Variants in TCF7L2 observed in about 807,000 individuals in gnomAD.
The protein encoded by TCF7L2 is transcription factor 7 like 2.
TCF7L2 carries 23 observed loss-of-function variants against 77.9 expected under a neutral mutation model. That is an observed-to-expected ratio of 0.30 (90% CI 0.21 to 0.42). The LOEUF (loss-of-function observed/expected upper bound fraction) is 0.42, where lower values mean the gene tolerates loss of function less well. TCF7L2 is among the 10% of genes least tolerant of loss of function. The pLI is 1.00. For synonymous variants in TCF7L2, 413 were observed against 340.2 expected, an observed-to-expected ratio of 1.21 and a Z score of -2.36; for missense variants, 654 against 793.1, an observed-to-expected ratio of 0.82 and a Z score of 2.11.
At chr10:113,152,527 A>G (rs1018146896) in intron 11 of TCF7L2, 87 bp downstream of exon 11, 4 of 1,157,544 alleles carry the variant, frequency 3.5e-6, no homozygotes, top group Middle Eastern at 2.5e-4. Context: ...CTGCCACTTG[A>G]CTAGGGTGGG....
intron 4 of TCF7L2, among the ~76,000 whole-genome samples, chr10:112,985,448 C>G (rs2041301060): frequency 6.6e-6 from 1 of 152,070 alleles, no homozygotes; most frequent in Non-Finnish European, 1.5e-5. Flanking sequence ...TATATAAACA[C>G]ATACATTGAT....
intron 4 of TCF7L2, among the ~76,000 whole-genome samples, chr10:113,038,038 G>A (rs1007430906): frequency 1.3e-5 from 2 of 152,194 alleles, no homozygotes; most frequent in African/African-American, 4.8e-5. Context: ...GTTACAGATG[G>A]AGACTGGAAA....
intron 5 of TCF7L2, among the ~76,000 whole-genome samples, chr10:113,072,590 G>A (rs2058167327): frequency 6.6e-6 from 1 of 152,090 alleles, no homozygotes; most frequent in Non-Finnish European, 1.5e-5. Flanking sequence ...CCTGACCTCA[G>A]GTGAGCGTCC....
intron 4 of TCF7L2, among the ~76,000 whole-genome samples, chr10:113,006,879 C>T (rs1405346870): frequency 6.6e-6 from 1 of 152,232 alleles, no homozygotes; most frequent in East Asian, 1.9e-4. Context: ...CACGCTGGCA[C>T]TTTCAGCTTC....
intron 5 of TCF7L2, among the ~76,000 whole-genome samples, chr10:113,079,694 A>G (rs2059124487): frequency 6.6e-6 from 1 of 151,778 alleles, no homozygotes; most frequent in South Asian, 2.1e-4. Flanking sequence ...GTCTCGCTCC[A>G]TCGCCCAGGC....
At chr10:113,023,924 C>T (rs931650903) in intron 4 of TCF7L2, among the ~76,000 whole-genome samples, 2 of 151,848 alleles carry the variant, frequency 1.3e-5, no homozygotes, top group Admixed American at 6.6e-5. Context: ...TCCCAAAGTG[C>T]TGGGATTACA....
intron 5 of TCF7L2, among the ~76,000 whole-genome samples, chr10:113,136,573 T>C (rs2067434735): frequency 6.6e-6 from 1 of 152,182 alleles, no homozygotes; most frequent in Non-Finnish European, 1.5e-5. Context: ...TGTAATGATT[T>C]TGTATCCCCA....
At chr10:113,137,894 A>G (rs1393796822) in intron 5 of TCF7L2, among the ~76,000 whole-genome samples, 1 of 152,220 alleles carries the variant, frequency 6.6e-6, no homozygotes. Flanking sequence ...AGAAGGGTGC[A>G]CACACACCCC....
rs141183813 is a variant in TCF7L2 at position 113,127,044 on chromosome 10, A to G, written c.553-14140A>G. ...TTTGCGGTAACTTTCAGGTTGATGT[A>G]CCTTGACTGGTAAGCTGCCGGGGTG... On this transcript the variant is annotated intron_variant, in intron 5 of 13. Coordinates refer to ENST00000627217, the MANE Select transcript of TCF7L2 (RefSeq NM_001146274.2). The G allele has an allele frequency of 3.8e-3, 2,011 of 532,436 alleles. 11 individuals carry two copies. Among genetic ancestry groups the G allele is most frequent in the Admixed American group, 7.8e-3 (122 of 15,730 alleles). The allele number at this position is 532,436 out of a possible 1,614,324, so 33.0% of individuals were successfully genotyped here.
At chr10:113,048,420 C>T (rs2053829613) in intron 5 of TCF7L2, among the ~76,000 whole-genome samples, 1 of 152,156 alleles carries the variant, frequency 6.6e-6, no homozygotes, top group Admixed American at 6.5e-5. Context: ...TCTCTCCTCC[C>T]ACAATGGTGC....
rs138904078 is a variant in TCF7L2, at chr10:112,966,443, C to T, written c.450+1819C>T. On this transcript the variant is annotated intron_variant, in intron 4 of 13. Coordinates refer to ENST00000627217, the MANE Select transcript of TCF7L2 (RefSeq NM_001146274.2). ...TTGCTCCCAGAAAGTGCTTTAGGTG[C>T]GGGACTTGGTTAGAGAACAAGCCCA... is the stretch of plus-strand genomic sequence containing the variant. Among the ~76,000 whole-genome samples the T allele has an allele frequency of 5.7e-3, 860 of 152,054 alleles. 3 individuals carry two copies. The highest frequency in any genetic ancestry group is 6.5e-3 in the Non-Finnish European group (445 of 68,014).
chr10:113,141,080 C>G (rs182436762), intron 5 of TCF7L2, 104 bp from the exon 6 acceptor site: 2 of 1,448,020 alleles, frequency 1.4e-6, no homozygotes, highest in African/African-American at 2.8e-5. Context: ...TTAGAAAATC[C>G]AGGTGAGAGG....
At chr10:113,085,007 C>T (rs2059689588) in intron 5 of TCF7L2, among the ~76,000 whole-genome samples, 1 of 151,966 alleles carries the variant, frequency 6.6e-6, no homozygotes, top group African/African-American at 2.4e-5. Context: ...TTCTTCTTGC[C>T]TGTGAGGTTG....
chr10:113,069,127 G>T (rs1202614264), intron 5 of TCF7L2, among the ~76,000 whole-genome samples: 1 of 152,066 alleles, frequency 6.6e-6, no homozygotes, highest in African/African-American at 2.4e-5. Context: ...TCTCTTGGAG[G>T]GGCCCGGGAT....
At chr10:113,157,703 TCC>T in intron 11 of TCF7L2, 1 of 260,510 alleles carries the variant, frequency 3.8e-6, no homozygotes. Context: ...CCTCGTGCCG[TCC>T]CCCATTCCCT....
intron 4 of TCF7L2, among the ~76,000 whole-genome samples, chr10:112,982,591 C>T (rs1343446450): frequency 6.6e-6 from 1 of 152,150 alleles, no homozygotes; most frequent in Admixed American, 6.5e-5. Flanking sequence ...AGTTATTTCT[C>T]CTGAATAAGA....
At position 112,951,565 on chromosome 10, in the gene TCF7L2, C is replaced by G; in HGVS notation, c.339C>G (p.Ser113Arg). The change falls in exon 3 of 14, where the codon AGC (serine) becomes AGG (arginine). Residue 113 changes from serine (S) to arginine (R), a missense_variant. Ser to Arg is a moderately radical substitution (Grantham distance 110). Around this residue, in one of 6 missense-constraint regions of TCF7L2, gnomAD observed 132 missense variants for 123.7 expected, o/e 1.07. Transcript: ENST00000627217. ...TCATCATGATCCCCGACCTGACGAG[C>G]CCCTACCTCCCCAACGGATCGCTCT... 2 of 1,389,198 alleles carry G rather than the reference C, an allele frequency of 1.4e-6. No individual in the cohort carries two copies. The highest frequency in any genetic ancestry group is 1.3e-5 in the South Asian group (1 of 79,066). 86.1% of individuals were successfully genotyped at this position (1,389,198 alleles called of 1,614,324 possible).
At chr10:113,050,067 A>G (rs2054151227) in intron 5 of TCF7L2, among the ~76,000 whole-genome samples, 1 of 152,174 alleles carries the variant, frequency 6.6e-6, no homozygotes, top group Non-Finnish European at 1.5e-5. Flanking sequence ...GAGGCTGCTG[A>G]AGAGCTCTGG....
At chr10:113,049,360 A>G (rs1023251153) in intron 5 of TCF7L2, among the ~76,000 whole-genome samples, 1 of 151,884 alleles carries the variant, frequency 6.6e-6, no homozygotes, top group Non-Finnish European at 1.5e-5. Flanking sequence ...ACATCGACCC[A>G]TTACTTAGGC....
Sources: gnomAD v4.1 joint callset for allele counts (sites outside exome capture counted in the v4.1 genomes callset) on GRCh38, gnomAD v4.1.1 for gene constraint, gnomAD v4.1.1 regional missense constraint, MANE v1.5 for transcripts, NCBI Gene and HGNC (gene_info 2026-07-23, HGNC 2026-07-21) for gene names.